IFITM10: variants seen among roughly 807,000 people sequenced by gnomAD.
IFITM10 encodes the protein interferon induced transmembrane protein 10.
IFITM10 carries 17 observed loss-of-function variants against 19.0 expected under a neutral mutation model. The observed-to-expected ratio is 0.90, with a 90% CI of 0.61 to 1.34. The LOEUF (loss-of-function observed/expected upper bound fraction) is 1.34, where lower values mean the gene tolerates loss of function less well. Among genes scored for constraint, IFITM10 ranks in the 40% most tolerant of loss-of-function variants. IFITM10 has a pLI of 0.00. For missense variants in IFITM10, 306 were observed against 319.8 expected (o/e 0.96, Z 0.33); for synonymous variants, 148 against 147.2 (o/e 1.01, Z -0.04).
intron 2 of IFITM10, among the ~76,000 whole-genome samples, chr11:1,742,778 A>T (rs1845583859): frequency 6.6e-6 from 1 of 152,210 alleles, no homozygotes; most frequent in Non-Finnish European, 1.5e-5. Context: ...TCATGTGTGA[A>T]CACAGGTGGA....
chr11:1,748,232 C>T (rs1315981607), intron 1 of IFITM10, 113 bp from the exon 2 acceptor site: 2 of 844,278 alleles, frequency 2.4e-6, no homozygotes, highest in Admixed American at 4.1e-5. Flanking sequence ...CTGCGGGGGC[C>T]GCCAGCTGCC....
In IFITM10 at chr11:1,748,037, A is replaced by AG. The variant is rs1845671207; in HGVS notation, c.166dup (p.Leu56ProfsTer37). ...CCTCGGAATCCAGAAGGCCCCGTCC[A>AG]GGGGGACTCGGGCTTCCTGGGCGCC... On this transcript the variant is annotated frameshift_variant, in exon 2 of 3. Transcript: ENST00000340134. LOFTEE classifies it high-confidence loss of function. The AG allele has an allele frequency of 7.0e-7, 1 of 1,426,102 alleles. No individual in the cohort carries two copies. 88.3% of individuals were successfully genotyped at this position (1,426,102 alleles called of 1,614,324 possible).
chr11:1,734,927 C>T lies in IFITM10; in HGVS notation c.*353G>A, dbSNP rs955332547. On this transcript the variant is annotated 3_prime_UTR_variant, in exon 3 of 3. Transcript: ENST00000340134. ...CCAACCTGGGACAATTTTGCATAAGCCCTTCCTGCTAGGTGTCAGGTCCAA... is the reference window on the plus strand; with the variant it reads ...CCAACCTGGGACAATTTTGCATAAGTCCTTCCTGCTAGGTGTCAGGTCCAA... 18 of 294,198 alleles carry T rather than the reference C, an allele frequency of 6.1e-5. No homozygotes were observed. The highest frequency in any genetic ancestry group is 7.0e-5 in the Non-Finnish European group (11 of 157,266). The allele number at this position is 294,198 out of a possible 1,614,324, so 18.2% of individuals were successfully genotyped here.
intron 2 of IFITM10, among the ~76,000 whole-genome samples, chr11:1,736,463 G>C (rs984806107): frequency 6.6e-6 from 1 of 152,146 alleles, no homozygotes; most frequent in Admixed American, 6.6e-5. Flanking sequence ...AAGAACAAAG[G>C]GAGAGGAGAG....
At chr11:1,745,698 GACA>G (rs1024597336) in intron 2 of IFITM10, 4 of 150,886 alleles carry the variant, frequency 2.7e-5, no homozygotes, top group Admixed American at 6.6e-5. Flanking sequence ...TGCAGGTACA[GACA>G]ACACACAGGC....
intron 2 of IFITM10, among the ~76,000 whole-genome samples, chr11:1,736,323 C>T (rs927647513): frequency 6.6e-6 from 1 of 152,110 alleles, no homozygotes; most frequent in African/African-American, 2.4e-5. Context: ...GACAGGAGAC[C>T]TAGGTCGGAA....
intron 2 of IFITM10, among the ~76,000 whole-genome samples, chr11:1,736,559 G>A (rs1326932668): frequency 6.6e-6 from 1 of 152,114 alleles, no homozygotes. Flanking sequence ...TGGAGCAAAT[G>A]CAGTGAAGTG....
chr11:1,738,941 C>A lies in IFITM10; in HGVS notation c.538-3512G>T, dbSNP rs1851115337. Reference sequence around the variant, plus strand: ...CAGGGGCAGGCACCTGTAATTCCAGCTACTTGGGAGGCTGAGGCAGGAGAA... The same window carrying A: ...CAGGGGCAGGCACCTGTAATTCCAGATACTTGGGAGGCTGAGGCAGGAGAA... On this transcript the variant is annotated intron_variant, in intron 2 of 2. Coordinates refer to ENST00000340134, the MANE Select transcript of IFITM10 (RefSeq NM_001170820.4). Among the ~76,000 whole-genome samples, 4 of 150,234 alleles carry A rather than the reference C, an allele frequency of 2.7e-5. No individual in the cohort carries two copies. In the South Asian group the frequency reaches 8.4e-4, roughly 32 times the overall value.
In IFITM10 at chr11:1,750,500, GCCTCCT is replaced by G; in HGVS notation, c.-64_-59del. The G allele has an allele frequency of 1.3e-6, 2 of 1,546,746 alleles. No homozygotes were observed. The highest frequency in any genetic ancestry group is 1.7e-6 in the Non-Finnish European group (2 of 1,144,548). On this transcript the variant is annotated 5_prime_UTR_variant, in exon 1 of 3. Transcript: ENST00000340134. ...CTTTCTCCTCTGCCACTCTCAACTG[GCCTCCT>G]GTGTCTCCGCAACCCTCTTTCCTGT...
chr11:1,749,997 G>C (rs939267435), intron 1 of IFITM10, among the ~76,000 whole-genome samples: 14 of 152,062 alleles, frequency 9.2e-5, no homozygotes, highest in African/African-American at 3.4e-4. Context: ...GTCCCGTTCC[G>C]AGCTCTGGTC....
At chr11:1,739,720 G>C (rs1249538273) in intron 2 of IFITM10, among the ~76,000 whole-genome samples, 1 of 152,052 alleles carries the variant, frequency 6.6e-6, no homozygotes, top group African/African-American at 2.4e-5. Context: ...TGGGGTGGGA[G>C]GTATTTGAGG....
chr11:1,735,455 T>A, intron 2 of IFITM10, 26 bp from the exon 3 acceptor site: 3 of 1,547,658 alleles, frequency 1.9e-6, no homozygotes, highest in Non-Finnish European at 2.6e-6. Context: ...GGACAGGAAA[T>A]GGGCAGTCAG....
intron 2 of IFITM10, chr11:1,744,790 G>A: frequency 6.6e-6 from 1 of 152,568 alleles, no homozygotes; most frequent in East Asian, 1.9e-4. Flanking sequence ...TTTGTGAACA[G>A]ATGAGGGAAC....
At chr11:1,743,414 G>A (rs1156713016) in intron 2 of IFITM10, among the ~76,000 whole-genome samples, 3 of 151,016 alleles carry the variant, frequency 2.0e-5, no homozygotes, top group African/African-American at 7.3e-5. Context: ...ACGGATGGAT[G>A]GAGGGTGGAT....
rs1487745357 is a variant in IFITM10 at position 1,747,824 on chromosome 11, T to C, written c.380A>G (p.His127Arg). 4 of 1,549,204 alleles carry C rather than the reference T, an allele frequency of 2.6e-6. No individual in the cohort carries two copies. The highest frequency in any genetic ancestry group is 3.5e-6 in the Non-Finnish European group (4 of 1,145,354). ...RAAGAPPACKHLAEKKTMTNP... is the reference protein window; with the variant it reads ...RAAGAPPACKRLAEKKTMTNP... The stretch of plus-strand genomic sequence containing the variant: ...GGTCATCGTCTTCTTCTCGGCTAGG[T>C]GCTTGCAGGCAGGGGGCGCGCCGGC... The change falls in exon 2 of 3, where the codon CAC becomes CGC. Residue 127 changes from histidine (H) to arginine (R), a missense_variant. Coordinates refer to ENST00000340134, the MANE Select transcript of IFITM10 (RefSeq NM_001170820.4).
intron 1 of IFITM10, 167 bp downstream of exon 1, chr11:1,750,192 C>A (rs1590901225): frequency 1.4e-6 from 1 of 740,264 alleles, no homozygotes; most frequent in Non-Finnish European, 1.7e-6. Context: ...CCTCCGCTAC[C>A]CCACCACATC....
intron 2 of IFITM10, among the ~76,000 whole-genome samples, chr11:1,740,299 CAAAAAAAAAAAA>C (rs58480346): frequency 0.027 from 1,100 of 41,064 alleles, 45 homozygotes; most frequent in African/African-American, 0.096. Context: ...GACTCCATCT[CAAAAAAAAAAAA>C]AAAAAAAAAA....
At chr11:1,740,581 C>T (rs1018872724) in intron 2 of IFITM10, among the ~76,000 whole-genome samples, 8 of 152,080 alleles carry the variant, frequency 5.3e-5, no homozygotes, top group African/African-American at 1.4e-4. Context: ...AAGGAAGACT[C>T]GTTTAGCAGT....
chr11:1,742,990 T>TGGATGG (rs112458042), intron 2 of IFITM10, among the ~76,000 whole-genome samples: 46 of 131,298 alleles, frequency 3.5e-4, no homozygotes, highest in Non-Finnish European at 6.6e-4. Context: ...TGGATGGACA[T>TGGATGG]ATGGATGGAT....
Sources: gnomAD v4.1 joint callset for allele counts (sites outside exome capture counted in the v4.1 genomes callset) on GRCh38, gnomAD v4.1.1 for gene constraint, MANE v1.5 for transcripts, NCBI Gene and HGNC (gene_info 2026-07-23, HGNC 2026-07-21) for gene names.